KIAA1549L: variants seen among roughly 807,000 people sequenced by gnomAD.
KIAA1549L encodes UPF0606 protein KIAA1549L.
KIAA1549L carries 88 observed loss-of-function variants against 160.7 expected under a neutral mutation model. The ratio of observed to expected loss-of-function variants is 0.55; its 90% CI spans 0.46 to 0.65. KIAA1549L has a LOEUF of 0.65. Ranked by LOEUF, KIAA1549L falls within the 30% of genes least tolerant of loss-of-function variation. The probability of loss-of-function intolerance (pLI) is 0.00; values close to 1 mark genes in which losing one functional copy is unlikely to be tolerated. For synonymous variants in KIAA1549L, 950 were observed against 976.7 expected (o/e 0.97, Z 0.51); for missense variants, 2,258 against 2,437.5 (o/e 0.93, Z 1.55).
Position 33,656,055 on chromosome 11 carries a change from C to A in KIAA1549L, c.5804C>A (p.Pro1935Gln), listed in dbSNP as rs775904169. 6.2e-7 allele frequency: 1 copy of A among 1,613,898 alleles called. No individual in the cohort carries two copies. Among genetic ancestry groups the A allele is most frequent in the Non-Finnish European group, 8.5e-7 (1 of 1,179,834 alleles). Residue 1935 changes from proline to glutamine, a missense_variant, in exon 18 of 21, where the codon CCG becomes CAG. By Grantham distance (76) the Pro-to-Gln change is moderately conservative (BLOSUM62 -1). Around this residue, in one of 6 missense-constraint regions of KIAA1549L, gnomAD observed 1,359 missense variants for 1,546.6 expected, o/e 0.88. Coordinates refer to ENST00000658780, the MANE Select transcript of KIAA1549L (RefSeq NM_012194.3). ...SQLPEMVMGS[P>Q]PPPVPPRTGP... The stretch of plus-strand genomic sequence containing the variant: ...CTTCCTGAGATGGTCATGGGCTCAC[C>A]GCCTCCACCCGTACCTCCCCGGACT...
At chr11:33,622,047 A>G (rs779704399) in intron 16 of KIAA1549L, among the ~76,000 whole-genome samples, 2 of 152,160 alleles carry the variant, frequency 1.3e-5, no homozygotes, top group Non-Finnish European at 2.9e-5. Context: ...CTCAGACCCT[A>G]AAATGTGGGC....
At chr11:33,614,562 ATATATATATATATATATATATATT>A (rs1422969436) in intron 15 of KIAA1549L, among the ~76,000 whole-genome samples, 6 of 12,654 alleles carry the variant, frequency 4.7e-4, no homozygotes, top group African/African-American at 4.6e-3. Context: ...ATATATATAT[ATATATATATATATATATATATATT>A]TTTTTTTTTT....
At chr11:33,572,472 G>T (rs894925993) in intron 9 of KIAA1549L, among the ~76,000 whole-genome samples, 1 of 151,868 alleles carries the variant, frequency 6.6e-6, no homozygotes, top group African/African-American at 2.4e-5. Flanking sequence ...CTTCCATAAG[G>T]TTTTCTTAAC....
At chr11:33,430,772 G>A (rs1851222268) in intron 1 of KIAA1549L, among the ~76,000 whole-genome samples, 1 of 152,172 alleles carries the variant, frequency 6.6e-6, no homozygotes, top group Non-Finnish European at 1.5e-5. Flanking sequence ...GAGGGCAGGA[G>A]GTATTTCTGT....
Position 33,513,890 on chromosome 11 carries a change from A to G in KIAA1549L, c.239-27912A>G, listed in dbSNP as rs138564587. Among the ~76,000 whole-genome samples the G allele has an allele frequency of 2.8e-3, 419 of 152,256 alleles. 1 individual carries two copies. The highest frequency in any genetic ancestry group is 9.7e-3 in the African/African-American group (402 of 41,554). On this transcript the variant is annotated intron_variant, in intron 1 of 20. Coordinates refer to ENST00000658780, the MANE Select transcript of KIAA1549L (RefSeq NM_012194.3). ...AGTGATAACCATTTATTTGTCATCT[A>G]CCCTCTATAAGACCCTCTACTGTCT... is the stretch of plus-strand genomic sequence containing the variant.
At chr11:33,441,220 T>C (rs1851497769) in intron 1 of KIAA1549L, among the ~76,000 whole-genome samples, 1 of 152,100 alleles carries the variant, frequency 6.6e-6, no homozygotes, top group Admixed American at 6.6e-5. Context: ...GGTTTCCAGC[T>C]TCATCCATGT....
chr11:33,632,074 C>T (rs151054850), intron 16 of KIAA1549L, among the ~76,000 whole-genome samples: 3,176 of 152,256 alleles, frequency 0.021, 125 homozygotes, highest in African/African-American at 0.07. Flanking sequence ...TGGTGGTTAT[C>T]CACTAAAATC....
intron 1 of KIAA1549L, among the ~76,000 whole-genome samples, chr11:33,430,999 G>A (rs1393962884): frequency 6.6e-6 from 1 of 152,104 alleles, no homozygotes; most frequent in Non-Finnish European, 1.5e-5. Context: ...CTGATGTTCA[G>A]ATGTGTTCGG....
intron 1 of KIAA1549L, among the ~76,000 whole-genome samples, chr11:33,412,195 T>C (rs559918461): frequency 4.9e-4 from 75 of 152,234 alleles, no homozygotes; most frequent in Non-Finnish European, 9.4e-4. Context: ...AAAACGGTGA[T>C]GCTTAAATCA....
intron 1 of KIAA1549L, among the ~76,000 whole-genome samples, chr11:33,395,396 A>G (rs1279898203): frequency 1.3e-5 from 2 of 152,210 alleles, no homozygotes; most frequent in African/African-American, 4.8e-5. Context: ...CATAAGGTAA[A>G]TGTGAAAATT....
intron 1 of KIAA1549L, among the ~76,000 whole-genome samples, chr11:33,434,162 A>G (rs1020213601): frequency 1.3e-5 from 2 of 152,038 alleles, no homozygotes; most frequent in Non-Finnish European, 2.9e-5. Flanking sequence ...AGATTTTTTT[A>G]AAAAGATTCT....
chr11:33,383,015 G>T (rs1233281460), intron 1 of KIAA1549L, among the ~76,000 whole-genome samples: 3 of 152,192 alleles, frequency 2.0e-5, no homozygotes, highest in African/African-American at 7.2e-5. Flanking sequence ...GAAAAGTACA[G>T]TGTTACTGTA....
intron 6 of KIAA1549L, among the ~76,000 whole-genome samples, chr11:33,558,345 G>T (rs1197675172): frequency 1.3e-5 from 2 of 152,150 alleles, no homozygotes; most frequent in African/African-American, 4.8e-5. Context: ...GTGAGTGCGG[G>T]GTTCGAGGTT....
intron 15 of KIAA1549L, among the ~76,000 whole-genome samples, chr11:33,612,644 AG>A (rs891849709): frequency 6.7e-6 from 1 of 150,232 alleles, no homozygotes; most frequent in African/African-American, 2.5e-5. Flanking sequence ...TTACATGTGC[AG>A]GTTTGTTATA....
intron 9 of KIAA1549L, among the ~76,000 whole-genome samples, chr11:33,573,596 T>C (rs1855344116): frequency 6.6e-6 from 1 of 152,168 alleles, no homozygotes; most frequent in African/African-American, 2.4e-5. Context: ...TTTTAGTCTT[T>C]TTACTGTTAT....
At chr11:33,587,187 T>C (rs766277952) in intron 11 of KIAA1549L, among the ~76,000 whole-genome samples, 76 of 152,340 alleles carry the variant, frequency 5.0e-4, no homozygotes, top group Non-Finnish European at 7.5e-4. Flanking sequence ...TTACCCATGC[T>C]TTTTTTCTTA....
chr11:33,439,687 A>G (rs1276554723), intron 1 of KIAA1549L, among the ~76,000 whole-genome samples: 1 of 151,222 alleles, frequency 6.6e-6, no homozygotes, highest in Non-Finnish European at 1.5e-5. Flanking sequence ...CTGGGATTAC[A>G]GCCACCGTGC....
At chr11:33,443,347 T>G (rs1851548081) in intron 1 of KIAA1549L, among the ~76,000 whole-genome samples, 4 of 152,096 alleles carry the variant, frequency 2.6e-5, no homozygotes, top group Admixed American at 2.0e-4. Flanking sequence ...ATAAACCTAT[T>G]TCCTTAAAAC....
chr11:33,575,428 T>C (rs1855413614), intron 10 of KIAA1549L, among the ~76,000 whole-genome samples: 1 of 152,238 alleles, frequency 6.6e-6, no homozygotes, highest in Non-Finnish European at 1.5e-5. Context: ...TTAAAAATAA[T>C]AGCTGTCTCT....
Sources: gnomAD v4.1 joint callset for allele counts (sites outside exome capture counted in the v4.1 genomes callset) on GRCh38, gnomAD v4.1.1 for gene constraint, gnomAD v4.1.1 regional missense constraint, MANE v1.5 for transcripts, NCBI Gene and HGNC (gene_info 2026-07-23, HGNC 2026-07-21) for gene names.